Variants in WDFY4 observed in about 807,000 individuals in gnomAD.
WDFY4 encodes the protein WD repeat- and FYVE domain-containing protein 4.
In WDFY4, 169 loss-of-function variants were observed where a neutral mutation model predicts 351.9. The ratio of observed to expected loss-of-function variants is 0.48; its 90% CI spans 0.42 to 0.55. WDFY4 has a LOEUF of 0.55. WDFY4 is among the 20% of genes least tolerant of loss of function. WDFY4 has a pLI of 0.00. For missense variants in WDFY4, 3,803 were observed against 3,935.6 expected (o/e 0.97, Z 0.90); for synonymous variants, 1,622 against 1,574.6 (o/e 1.03, Z -0.71).
chr10:48,962,428 T>G (rs1841900660), intron 53 of WDFY4, among the ~76,000 whole-genome samples: 1 of 152,098 alleles, frequency 6.6e-6, no homozygotes, highest in South Asian at 2.1e-4. Flanking sequence ...AAATGAACAT[T>G]TTGAGGCTCT....
In WDFY4 at chr10:48,820,354, G is replaced by A. The variant is rs1239049081; in HGVS notation, c.5626G>A (p.Glu1876Lys). 1.3e-6 allele frequency: 2 copies of A among 1,551,676 alleles called. No individual in the cohort carries two copies. Among genetic ancestry groups the A allele is most frequent in the East Asian group, 2.4e-5 (1 of 40,920 alleles). Residue 1876 changes from glutamate (E) to lysine (K), a missense_variant, in exon 33 of 62, where the codon GAG becomes AAG. By Grantham distance (56) the Glu-to-Lys change is moderately conservative (BLOSUM62 1). Transcript: ENST00000325239. Reference protein sequence around the residue: ...KAHPARRKLREFTQLLLRELL... With the variant: ...KAHPARRKLRKFTQLLLRELL... ...ACATCCCGCCCGGAGGAAGCTGAGGGAGTTCACGCAGCTCCTCTTGAGGGA... is the reference window on the plus strand; with the variant it reads ...ACATCCCGCCCGGAGGAAGCTGAGGAAGTTCACGCAGCTCCTCTTGAGGGA...
Position 48,735,908 on chromosome 10 carries a change from C to T in WDFY4, c.1716C>T (p.Pro572=). The change falls in exon 11 of 62, where the codon CCC becomes CCT. Residue 572 remains proline (P), a synonymous_variant. Transcript: ENST00000325239. ...TCCTGAAGGACCACGGCATGGTGCCCTTCATCAAGATCTTCCTGGATGACG... is the reference window on the plus strand; with the variant it reads ...TCCTGAAGGACCACGGCATGGTGCCTTTCATCAAGATCTTCCTGGATGACG... ...AVVLKDHGMV[P]FIKIFLDDEC... The T allele has an allele frequency of 1.3e-6, 2 of 1,551,686 alleles. No homozygotes were observed. Among genetic ancestry groups the T allele is most frequent in the Non-Finnish European group, 1.7e-6 (2 of 1,147,008 alleles).
chr10:48,903,018 G>T (rs1402238534), intron 47 of WDFY4, among the ~76,000 whole-genome samples: 1 of 152,134 alleles, frequency 6.6e-6, no homozygotes, highest in African/African-American at 2.4e-5. Context: ...GCTGAGGTGG[G>T]AGAATCGCTT....
At chr10:48,941,383 G>A (rs1410478504) in intron 47 of WDFY4, among the ~76,000 whole-genome samples, 1 of 152,244 alleles carries the variant, frequency 6.6e-6, no homozygotes, top group Non-Finnish European at 1.5e-5. Flanking sequence ...CTTCTTGGGA[G>A]ACCCTTAGGC....
chr10:48,924,758 A>G (rs891758599), intron 47 of WDFY4, among the ~76,000 whole-genome samples: 10 of 152,224 alleles, frequency 6.6e-5, no homozygotes, highest in African/African-American at 2.4e-4. Flanking sequence ...AGTAATGGCA[A>G]CCAATATATT....
At chr10:48,819,254 G>A (rs1018458733) in intron 32 of WDFY4, among the ~76,000 whole-genome samples, 1 of 152,182 alleles carries the variant, frequency 6.6e-6, no homozygotes, top group Non-Finnish European at 1.5e-5. Context: ...GCCTTTTTCA[G>A]CGCTCCAAGT....
chr10:48,937,536 C>T (rs977391951), intron 47 of WDFY4, among the ~76,000 whole-genome samples: 9 of 152,166 alleles, frequency 5.9e-5, no homozygotes, highest in African/African-American at 2.2e-4. Flanking sequence ...TTGCCCCACA[C>T]CTCCATATCT....
chr10:48,982,822 A>ATGCCCAGC lies in WDFY4; in HGVS notation c.*251_*258dup, dbSNP rs1842862419. 1 of 564,538 alleles carries ATGCCCAGC rather than the reference A, an allele frequency of 1.8e-6. No individual in the cohort carries two copies. The highest frequency in any genetic ancestry group is 3.5e-6 in the Non-Finnish European group (1 of 288,148). 35.0% of individuals were successfully genotyped at this position (564,538 alleles called of 1,614,324 possible). On this transcript the variant is annotated 3_prime_UTR_variant, in exon 62 of 62. Transcript: ENST00000325239. ...GCACGCTGGAAACTGTGACTTGGTG[A>ATGCCCAGC]TGCCCAGCTGCACACGAAATTACAC...
At chr10:48,814,379 G>A (rs1008612550) in intron 31 of WDFY4, among the ~76,000 whole-genome samples, 1 of 152,194 alleles carries the variant, frequency 6.6e-6, no homozygotes, top group Non-Finnish European at 1.5e-5. Context: ...TTTCTTAGGA[G>A]GAGGAAGGGC....
chr10:48,736,236 C>A, intron 11 of WDFY4, 166 bp downstream of exon 11: 1 of 729,896 alleles, frequency 1.4e-6, no homozygotes. Flanking sequence ...ATCCCATATC[C>A]TCAGTAGCCT....
intron 6 of WDFY4, among the ~76,000 whole-genome samples, 175 bp from the exon 7 acceptor site, chr10:48,727,295 G>A (rs1258233053): frequency 6.6e-6 from 1 of 152,226 alleles, no homozygotes. Flanking sequence ...GCAGCTGTCA[G>A]GATGGCACTT....
chr10:48,943,042 A>G (rs1333705968), intron 48 of WDFY4, among the ~76,000 whole-genome samples: 2 of 152,004 alleles, frequency 1.3e-5, no homozygotes, highest in African/African-American at 4.8e-5. Context: ...TGAGAACTGC[A>G]TCCAACAGTT....
At chr10:48,794,356 G>A (rs137928070) in intron 23 of WDFY4, among the ~76,000 whole-genome samples, 58 of 152,196 alleles carry the variant, frequency 3.8e-4, no homozygotes, top group African/African-American at 8.7e-4. Flanking sequence ...GAGCCAGGGC[G>A]GTCCAGCAGG....
chr10:48,916,552 C>T (rs918218359), intron 47 of WDFY4, among the ~76,000 whole-genome samples: 1 of 152,160 alleles, frequency 6.6e-6, no homozygotes, highest in Non-Finnish European at 1.5e-5. Context: ...TGCCACTTGG[C>T]TCTAGAGGCA....
chr10:48,704,342 A>G (rs2063564527), intron 1 of WDFY4, among the ~76,000 whole-genome samples: 1 of 152,182 alleles, frequency 6.6e-6, no homozygotes, highest in Non-Finnish European at 1.5e-5. Context: ...TTTCTGCCTC[A>G]GGAGAGCAGA....
At chr10:48,889,409 G>T (rs1399807299) in intron 43 of WDFY4, among the ~76,000 whole-genome samples, 1 of 152,200 alleles carries the variant, frequency 6.6e-6, no homozygotes, top group Non-Finnish European at 1.5e-5. Context: ...GCTCCCAAAG[G>T]TGAGCAGGGA....
chr10:48,733,418 T>A (rs1486482050), intron 9 of WDFY4, among the ~76,000 whole-genome samples: 7 of 152,148 alleles, frequency 4.6e-5, no homozygotes. Context: ...CCCTCATGGG[T>A]CTACTGGGAT....
rs2067655391 is a variant in WDFY4 at position 48,817,348 on chromosome 10, G to A, written c.5444G>A (p.Trp1815Ter). ...CGCACCTACCCCCAGGACCCAGCGT[G>A]GCGAGCCCCGGAGTTCCTCCAGACC... The part of the protein sequence containing the change: ...VHRTYPQDPA[W>*]RAPEFLQTLA... The change falls in exon 32 of 62, where the codon TGG becomes TAG. Residue 1815 changes from tryptophan to a stop codon, truncating the protein, a stop_gained. Transcript: ENST00000325239. LOFTEE classifies it high-confidence loss of function. 1 of 1,551,634 alleles carries A rather than the reference G, an allele frequency of 6.4e-7. No homozygotes were observed. Among genetic ancestry groups the A allele is most frequent in the South Asian group, 1.2e-5 (1 of 84,066 alleles).
intron 39 of WDFY4, among the ~76,000 whole-genome samples, chr10:48,843,836 A>G (rs2068685706): frequency 6.6e-6 from 1 of 152,268 alleles, no homozygotes; most frequent in Admixed American, 6.5e-5. Context: ...TAATTTTTAA[A>G]AATTATGAGT....
Sources: gnomAD v4.1 joint callset for allele counts (sites outside exome capture counted in the v4.1 genomes callset) on GRCh38, gnomAD v4.1.1 for gene constraint, MANE v1.5 for transcripts, NCBI Gene and HGNC (gene_info 2026-07-23, HGNC 2026-07-21) for gene names.